HS6ST3: variants seen among roughly 807,000 people sequenced by gnomAD.
HS6ST3 encodes heparan-sulfate 6-O-sulfotransferase 3.
In HS6ST3, 12 loss-of-function variants were observed where a neutral mutation model predicts 36.7. The ratio of observed to expected loss-of-function variants is 0.33; its 90% confidence interval spans 0.21 to 0.53. HS6ST3 has a LOEUF of 0.53. Ranked by LOEUF, HS6ST3 falls within the 20% of genes least tolerant of loss-of-function variation. HS6ST3 has a pLI of 0.95. For missense variants in HS6ST3, 584 were observed against 640.9 expected, an observed-to-expected ratio of 0.91 and a Z score of 0.96; for synonymous variants, 240 against 257.5, an observed-to-expected ratio of 0.93 and a Z score of 0.65.
chr13:96,150,808 G>A (rs949650569), intron 1 of HS6ST3, among the ~76,000 whole-genome samples: 5 of 152,078 alleles, frequency 3.3e-5, no homozygotes, highest in Admixed American at 1.3e-4. Context: ...ACTGTATTTT[G>A]AATAAGAAGA....
chr13:96,344,730 G>T (rs922547344), intron 1 of HS6ST3, among the ~76,000 whole-genome samples: 4 of 152,122 alleles, frequency 2.6e-5, no homozygotes, highest in Admixed American at 2.6e-4. Flanking sequence ...CTTTCATGCT[G>T]GCTGTTTCTG....
At chr13:96,663,708 C>G (rs1247880794) in intron 1 of HS6ST3, among the ~76,000 whole-genome samples, 1 of 152,134 alleles carries the variant, frequency 6.6e-6, no homozygotes, top group Admixed American at 6.5e-5. Flanking sequence ...TGGATTTTCA[C>G]AGCAGTATTA....
At chr13:96,481,743 G>C (rs2055891018) in intron 1 of HS6ST3, among the ~76,000 whole-genome samples, 1 of 152,172 alleles carries the variant, frequency 6.6e-6, no homozygotes, top group Non-Finnish European at 1.5e-5. Context: ...AGAAGGAGCA[G>C]GGTGGTGATC....
intron 1 of HS6ST3, among the ~76,000 whole-genome samples, chr13:96,464,137 T>TAAAAAAA (rs2055799518): frequency 3.2e-4 from 1 of 3,088 alleles, no homozygotes; most frequent in African/African-American, 4.7e-4. Flanking sequence ...CTGTCAGGCC[T>TAAAAAAA]CAAAAAAAAA....
chr13:96,457,265 T>C (rs2055758662), intron 1 of HS6ST3, among the ~76,000 whole-genome samples: 1 of 152,156 alleles, frequency 6.6e-6, no homozygotes, highest in Admixed American at 6.6e-5. Flanking sequence ...GCAGTTTGCT[T>C]AAGTTATAAA....
intron 1 of HS6ST3, among the ~76,000 whole-genome samples, chr13:96,552,497 G>A (rs1466026991): frequency 1.3e-5 from 2 of 152,174 alleles, no homozygotes; most frequent in African/African-American, 4.8e-5. Flanking sequence ...GAGGTTAAGG[G>A]TTCAGGGTCC....
intron 1 of HS6ST3, among the ~76,000 whole-genome samples, chr13:96,719,662 T>C (rs1043181415): frequency 2.6e-5 from 4 of 152,186 alleles, no homozygotes; most frequent in Non-Finnish European, 4.4e-5. Flanking sequence ...GCACTCAGCT[T>C]TTTCGGTGAA....
chr13:96,652,083 T>C (rs961092459), intron 1 of HS6ST3, among the ~76,000 whole-genome samples: 2 of 152,064 alleles, frequency 1.3e-5, no homozygotes, highest in Non-Finnish European at 2.9e-5. Flanking sequence ...TTATATATAA[T>C]ATAGTTGTGT....
chr13:96,156,768 C>T (rs1158747306), intron 1 of HS6ST3, among the ~76,000 whole-genome samples: 1 of 152,188 alleles, frequency 6.6e-6, no homozygotes, highest in Non-Finnish European at 1.5e-5. Context: ...CATTAAATAA[C>T]TTGATAAATC....
chr13:96,635,323 G>T (rs2056545672), intron 1 of HS6ST3, among the ~76,000 whole-genome samples: 1 of 151,252 alleles, frequency 6.6e-6, no homozygotes. Context: ...CCAATGTCCT[G>T]CTGGTCCCAG....
chr13:96,728,803 A>G (rs529602918), intron 1 of HS6ST3, among the ~76,000 whole-genome samples: 1 of 152,304 alleles, frequency 6.6e-6, no homozygotes, highest in South Asian at 2.1e-4. Context: ...CCTGAGCTGC[A>G]TTAAAGGAAG....
At chr13:96,460,464 A>C (rs183724211) in intron 1 of HS6ST3, among the ~76,000 whole-genome samples, 1 of 152,274 alleles carries the variant, frequency 6.6e-6, no homozygotes, top group African/African-American at 2.4e-5. Context: ...AAGATTCAGT[A>C]ATGTTTGGTA....
intron 1 of HS6ST3, among the ~76,000 whole-genome samples, chr13:96,584,805 A>G (rs1594812427): frequency 6.6e-6 from 1 of 152,186 alleles, no homozygotes; most frequent in Non-Finnish European, 1.5e-5. Context: ...AGTGCATGGG[A>G]CAGTCCCATA....
intron 1 of HS6ST3, among the ~76,000 whole-genome samples, chr13:96,351,883 A>G (rs1170301635): frequency 2.0e-5 from 3 of 152,218 alleles, no homozygotes; most frequent in African/African-American, 7.2e-5. Flanking sequence ...TTGGCTGGAT[A>G]TGAAATTAAC....
intron 1 of HS6ST3, among the ~76,000 whole-genome samples, chr13:96,513,318 G>C (rs996508543): frequency 4.6e-5 from 7 of 151,728 alleles, no homozygotes; most frequent in African/African-American, 1.7e-4. Context: ...TTTTAGAAAA[G>C]TTTTTCTATC....
rs796186165 is a variant in HS6ST3 at position 96,730,291 on chromosome 13, A to T, written c.708-102199A>T. Among the ~76,000 whole-genome samples, 9 of 152,098 alleles carry T rather than the reference A, an allele frequency of 5.9e-5. No individual in the cohort carries two copies. In the South Asian group the frequency reaches 8.3e-4, roughly 14 times the overall value. On this transcript the variant is annotated intron_variant, in intron 1 of 1. Coordinates refer to ENST00000376705, the MANE Select transcript of HS6ST3 (RefSeq NM_153456.4). ...TTGCCCTTCATTATAGGTTTTTTTT[A>T]AATTTTTTTTTGCCAGCCACTTTTA... is the stretch of plus-strand genomic sequence containing the variant.
chr13:96,324,965 T>C (rs1408417649), intron 1 of HS6ST3, among the ~76,000 whole-genome samples: 3 of 152,196 alleles, frequency 2.0e-5, no homozygotes, highest in Non-Finnish European at 4.4e-5. Flanking sequence ...GTTTTGTTAT[T>C]GTATGTAGCT....
intron 1 of HS6ST3, among the ~76,000 whole-genome samples, chr13:96,631,313 C>T (rs1053898011): frequency 6.6e-6 from 1 of 152,110 alleles, no homozygotes; most frequent in South Asian, 2.1e-4. Flanking sequence ...CAATTCTCTT[C>T]TGTTTCTAAA....
chr13:96,657,467 G>A (rs970395738), intron 1 of HS6ST3, among the ~76,000 whole-genome samples: 2 of 152,126 alleles, frequency 1.3e-5, no homozygotes, highest in Admixed American at 1.3e-4. Context: ...GATGCAGTGA[G>A]CTGAGATCAT....
Sources: allele counts gnomAD v4.1 joint callset (sites outside exome capture counted in the v4.1 genomes callset), GRCh38; gene constraint gnomAD v4.1.1; transcripts MANE v1.5; gene names NCBI Gene and HGNC (gene_info 2026-07-23, HGNC 2026-07-21).